Variants in SDF4 observed in about 807,000 individuals in gnomAD.
SDF4 encodes stromal cell derived factor 4.
A neutral mutation model predicts 34.2 loss-of-function variants in SDF4; 22 were observed. The ratio of observed to expected loss-of-function variants is 0.64; its 90% CI spans 0.46 to 0.92. SDF4 has a LOEUF of 0.92. Among genes scored for constraint, SDF4 ranks in the 40% least tolerant of loss-of-function variants. The probability of loss-of-function intolerance (pLI) is 0.00; values close to 1 mark genes in which losing one functional copy is unlikely to be tolerated. For missense variants in SDF4, 447 were observed against 499.9 expected, an observed-to-expected ratio of 0.89 and a Z score of 1.01; for synonymous variants, 236 against 203.1, an observed-to-expected ratio of 1.16 and a Z score of -1.38.
At chr1:1,224,263 A>C (rs1638225072) in intron 2 of SDF4, among the ~76,000 whole-genome samples, 1 of 151,876 alleles carries the variant, frequency 6.6e-6, no homozygotes, top group South Asian at 2.1e-4. Context: ...CACAGCTTCC[A>C]AAAGTCACAC....
At chr1:1,224,767 C>T (rs1557519115) in intron 2 of SDF4, among the ~76,000 whole-genome samples, 1 of 152,156 alleles carries the variant, frequency 6.6e-6, no homozygotes, top group African/African-American at 2.4e-5. Flanking sequence ...TACGAAAATT[C>T]GCCAGGCGCG....
chr1:1,220,141 C>T (rs1649838094), intron 4 of SDF4: 1 of 987,756 alleles, frequency 1.0e-6, no homozygotes, highest in African/African-American at 1.7e-5. Flanking sequence ...CGCCGAGCCC[C>T]AGCACCAACC....
chr1:1,221,083 TCTTA>T (rs1173750951), intron 4 of SDF4: 1 of 281,506 alleles, frequency 3.6e-6, no homozygotes, highest in Non-Finnish European at 7.0e-6. Flanking sequence ...AGGGAGATCC[TCTTA>T]CTTTTAGTTT....
At position 1,222,626 on chromosome 1, in the gene SDF4, C is replaced by G. The variant is rs112756076; in HGVS notation, c.556+618G>C. ...TCTGCCTCACGTGGCCTTCAGAGTA[C>G]GGGGCAGGCCCCAACCCAGACTCAC... On this transcript the variant is annotated intron_variant, in intron 4 of 6. Coordinates refer to ENST00000360001, the MANE Select transcript of SDF4 (RefSeq NM_016176.6). Among the ~76,000 whole-genome samples, 622 of 152,394 alleles carry G rather than the reference C, an allele frequency of 4.1e-3. 4 individuals are homozygous for G. Among genetic ancestry groups the G allele is most frequent in the African/African-American group, 0.013 (560 of 41,594 alleles).
In SDF4 at chr1:1,218,759, C is replaced by G; in HGVS notation, c.715+10G>C. 6.2e-7 allele frequency: 1 copy of G among 1,612,450 alleles called. No individual in the cohort carries two copies. The highest frequency in any genetic ancestry group is 8.5e-7 in the Non-Finnish European group (1 of 1,179,256). Reference sequence around the variant, plus strand: ...TCCTGGCGTGCCGGCCAGGCTGGACCCAGCCTCACCCAGGTCCCGGACGAT... The same window carrying G: ...TCCTGGCGTGCCGGCCAGGCTGGACGCAGCCTCACCCAGGTCCCGGACGAT... On this transcript the variant is annotated intron_variant, in intron 5 of 6. Transcript: ENST00000360001. The surrounding 1 kb of genome is among the most constrained non-coding windows in gnomAD (Gnocchi z 7.9).
intron 1 of SDF4, among the ~76,000 whole-genome samples, chr1:1,231,432 G>A (rs1197659310): frequency 6.6e-6 from 1 of 152,334 alleles, no homozygotes; most frequent in East Asian, 1.9e-4. Flanking sequence ...AGCTCAACAG[G>A]GTTCATAACA....
Position 1,217,414 on chromosome 1 carries a change from A to T in SDF4, c.*98T>A. 9.3e-7 allele frequency: 1 copy of T among 1,077,698 alleles called. No homozygotes were observed. The highest frequency in any genetic ancestry group is 1.2e-6 in the Non-Finnish European group (1 of 835,370). 66.8% of individuals were successfully genotyped at this position (1,077,698 alleles called of 1,614,324 possible). On this transcript the variant is annotated 3_prime_UTR_variant, in exon 7 of 7. Coordinates refer to ENST00000360001, the MANE Select transcript of SDF4 (RefSeq NM_016176.6). This position sits in a 1 kb window ranked among gnomAD's most constrained non-coding sequence, Gnocchi z 8.5. ...GGTCGGTCGGCCGGTGGCGGGCGGC[A>T]GGGAAGAGGTGGGGTCCGGGACAGC...
intron 4 of SDF4, among the ~76,000 whole-genome samples, chr1:1,221,769 C>T (rs1036016058): frequency 2.0e-5 from 3 of 152,142 alleles, no homozygotes; most frequent in African/African-American, 4.8e-5. Flanking sequence ...GAGACCAACC[C>T]GGCCAACACG....
chr1:1,229,231 C>T (rs1638417236), intron 1 of SDF4, among the ~76,000 whole-genome samples: 1 of 152,194 alleles, frequency 6.6e-6, no homozygotes, highest in African/African-American at 2.4e-5. Flanking sequence ...TGCTCTGTCA[C>T]CCAGGCTGGA....
chr1:1,220,088 C>T lies in SDF4; in HGVS notation c.557-1161G>A, dbSNP rs545273953. The stretch of plus-strand genomic sequence containing the variant: ...AGAGGCACAGACGCCCCAGACAGGC[C>T]GGCCGAGAGACGCTTTCTCCAGCAC... On this transcript the variant is annotated intron_variant, in intron 4 of 6. Coordinates refer to ENST00000360001, the MANE Select transcript of SDF4 (RefSeq NM_016176.6). 79 of 986,756 alleles carry T rather than the reference C, an allele frequency of 8.0e-5. No homozygotes were observed. The East Asian group carries it at 1.0e-3, about 13-fold the overall frequency. The allele number at this position is 986,756 out of a possible 1,614,324, so 61.1% of individuals were successfully genotyped here. A position where few individuals can be genotyped will look rare whatever the true frequency, so the allele number is the denominator to read the frequency against.
rs772593150 is a variant in SDF4 at position 1,218,850 on chromosome 1, C to T, written c.634G>A (p.Glu212Lys). The change falls in exon 5 of 7, where the codon GAG becomes AAG. Residue 212 changes from glutamate to lysine, a missense_variant. Coordinates refer to ENST00000360001, the MANE Select transcript of SDF4 (RefSeq NM_016176.6). The surrounding 1 kb of genome is among the most constrained non-coding windows in gnomAD (Gnocchi z 7.9). Reference protein sequence around the residue: ...SPPADLLLTEEEFLSFLHPEH... With the variant: ...SPPADLLLTEKEFLSFLHPEH... Reference sequence around the variant, plus strand: ...GGGTGGAGGAACGACAGGAACTCCTCCTCCGTCAGCAGCAGGTCTGCAGGG... The same window carrying T: ...GGGTGGAGGAACGACAGGAACTCCTTCTCCGTCAGCAGCAGGTCTGCAGGG... 1.3e-6 allele frequency: 2 copies of T among 1,598,944 alleles called. No homozygotes were observed. The highest frequency in any genetic ancestry group is 1.7e-6 in the Non-Finnish European group (2 of 1,169,730).
rs1557512687 is a variant in SDF4 at position 1,217,631 on chromosome 1, C to CG, written c.948dup (p.Ala317ArgfsTer87). On this transcript the variant is annotated frameshift_variant, in exon 7 of 7. Transcript: ENST00000360001. LOFTEE classifies it high-confidence loss of function. The surrounding 1 kb of genome is among the most constrained non-coding windows in gnomAD (Gnocchi z 8.5). ...TGGTTCTGGTTCTCGTCGGCGACGG[C>CG]GATCATCTGCTTGGCCTCGTTCAGC... The CG allele has an allele frequency of 6.2e-7, 1 of 1,613,814 alleles. No homozygotes were observed. Among genetic ancestry groups the CG allele is most frequent in the South Asian group, 1.1e-5 (1 of 91,084 alleles).
chr1:1,225,597 C>T lies in SDF4; in HGVS notation c.306-1629G>A, dbSNP rs949778500. On this transcript the variant is annotated intron_variant, in intron 2 of 6. Coordinates refer to ENST00000360001, the MANE Select transcript of SDF4 (RefSeq NM_016176.6). The stretch of plus-strand genomic sequence containing the variant: ...GTCCCCAAAACACACCGGCTGGGGA[C>T]GGGGCCACCCGGGTGGCCATGTGGC... Among the ~76,000 whole-genome samples the T allele has an allele frequency of 5.3e-5, 8 of 152,202 alleles. No homozygotes were observed. The East Asian group carries it at 7.7e-4, about 15-fold the overall frequency.
chr1:1,229,216 G>C (rs566283858), intron 1 of SDF4, among the ~76,000 whole-genome samples: 7 of 152,168 alleles, frequency 4.6e-5, no homozygotes, highest in African/African-American at 1.7e-4. Context: ...TTAGAAACAG[G>C]GTCTTGCTCT....
Position 1,217,640 on chromosome 1 carries a change from G to C in SDF4, c.940C>G (p.Gln314Glu). ...NEYNALNEAK[Q>E]MIAVADENQN... is the part of the protein sequence containing the mutation. ...TTCTCGTCGGCGACGGCGATCATCTGCTTGGCCTCGTTCAGCGCGTTGTAC... is the reference window on the plus strand; with the variant it reads ...TTCTCGTCGGCGACGGCGATCATCTCCTTGGCCTCGTTCAGCGCGTTGTAC... The change falls in exon 7 of 7, where the codon CAG becomes GAG. Residue 314 changes from glutamine (Q) to glutamate (E), a missense_variant. Gln to Glu is a conservative substitution (Grantham distance 29). Coordinates refer to ENST00000360001, the MANE Select transcript of SDF4 (RefSeq NM_016176.6). This position sits in a 1 kb window ranked among gnomAD's most constrained non-coding sequence, Gnocchi z 8.5. The C allele has an allele frequency of 6.2e-7, 1 of 1,613,874 alleles. No homozygotes were observed. The highest frequency in any genetic ancestry group is 8.5e-7 in the Non-Finnish European group (1 of 1,179,966).
chr1:1,229,244 A>G (rs111987858), intron 1 of SDF4, among the ~76,000 whole-genome samples: 13,526 of 152,164 alleles, frequency 0.089, 824 homozygotes, highest in African/African-American at 0.17. Flanking sequence ...AGGCTGGAGT[A>G]CAGCGGTGAC....
Position 1,218,596 on chromosome 1 carries a change from G to A in SDF4, c.753C>T (p.Phe251=). Reference sequence around the variant, plus strand: ...CCACGGTGCCCACGGGCAGGGAGATGAACTCGGGCACAGAGAGCTGCTTGT... The same window carrying A: ...CCACGGTGCCCACGGGCAGGGAGATAAACTCGGGCACAGAGAGCTGCTTGT... ...DGDKQLSVPE[F]ISLPVGTVEN... Residue 251 remains phenylalanine, a synonymous_variant, in exon 6 of 7, where the codon TTC becomes TTT. Coordinates refer to ENST00000360001, the MANE Select transcript of SDF4 (RefSeq NM_016176.6). This position sits in a 1 kb window ranked among gnomAD's most constrained non-coding sequence, Gnocchi z 7.9. 1 of 1,614,070 alleles carries A rather than the reference G, an allele frequency of 6.2e-7. No individual in the cohort carries two copies. The highest frequency in any genetic ancestry group is 1.1e-5 in the South Asian group (1 of 91,088).
In SDF4 at chr1:1,218,529, C is replaced by T. The variant is rs1442836048; in HGVS notation, c.820G>A (p.Asp274Asn). The T allele has an allele frequency of 1.9e-6, 3 of 1,614,030 alleles. No individual in the cohort carries two copies. The highest frequency in any genetic ancestry group is 1.6e-4 in the Middle Eastern group (1 of 6,062). Residue 274 changes from aspartate (D) to asparagine (N), a missense_variant, in exon 6 of 7, where the codon GAC (aspartate) becomes AAC (asparagine). Coordinates refer to ENST00000360001, the MANE Select transcript of SDF4 (RefSeq NM_016176.6). This position sits in a 1 kb window ranked among gnomAD's most constrained non-coding sequence, Gnocchi z 7.9. ...AGCTCCTCAAACTCCTTTTTTCTGT[C>T]TTTCACCCAGTTGTCGTCAATGTCC... ...GQDIDDNWVKDRKKEFEELID... is the reference protein window; with the variant it reads ...GQDIDDNWVKNRKKEFEELID...
chr1:1,217,386 C>T lies in SDF4; in HGVS notation c.*126G>A, dbSNP rs1276582148. ...CACGCCGCTCATCAACTGGGGCAGC[C>T]GCGGTCGGTCGGCCGGTGGCGGGCG... On this transcript the variant is annotated 3_prime_UTR_variant, in exon 7 of 7. Transcript: ENST00000360001. This position sits in a 1 kb window ranked among gnomAD's most constrained non-coding sequence, Gnocchi z 8.5. 7 of 735,924 alleles carry T rather than the reference C, an allele frequency of 9.5e-6. No homozygotes were observed. Among genetic ancestry groups the T allele is most frequent in the Admixed American group, 5.2e-5 (1 of 19,268 alleles). The allele number at this position is 735,924 out of a possible 1,614,324, so 45.6% of individuals were successfully genotyped here. A position where few individuals can be genotyped will look rare whatever the true frequency, so the allele number is the denominator to read the frequency against.
Sources: gnomAD v4.1 joint callset for allele counts (sites outside exome capture counted in the v4.1 genomes callset) on GRCh38, gnomAD v4.1.1 for gene constraint, Gnocchi (gnomAD v3.1) non-coding constraint, MANE v1.5 for transcripts, NCBI Gene and HGNC (gene_info 2026-07-23, HGNC 2026-07-21) for gene names.